The following MEIS1 variants were observed in gnomAD, a reference collection of about 807,000 sequenced individuals.
MEIS1 encodes the protein Meis homeobox 1.
A neutral mutation model predicts 50.8 loss-of-function variants in MEIS1; 5 were observed. That is an observed-to-expected ratio of 0.10 (90% CI 0.05 to 0.21). The LOEUF (loss-of-function observed/expected upper bound fraction) is 0.21, where lower values mean the gene tolerates loss of function less well. Among genes scored for constraint, MEIS1 ranks in the 10% least tolerant of loss-of-function variants. The pLI is 1.00. For synonymous variants in MEIS1, 176 were observed against 179.3 expected, an observed-to-expected ratio of 0.98 and a Z score of 0.15; for missense variants, 318 against 517.3, an observed-to-expected ratio of 0.61 and a Z score of 3.74.
Position 66,548,080 on chromosome 2 carries a change from C to T in MEIS1, c.965+61C>T, listed in dbSNP as rs1674833389. Reference sequence around the variant, plus strand: ...TTTCCCCCTCTGGCAACCTGCAGCTCATGTTTTGCATTAAGAAGACACACC... The same window carrying T: ...TTTCCCCCTCTGGCAACCTGCAGCTTATGTTTTGCATTAAGAAGACACACC... On this transcript the variant is annotated intron_variant, in intron 9 of 12. Coordinates refer to ENST00000272369, the MANE Select transcript of MEIS1 (RefSeq NM_002398.3). The T allele has an allele frequency of 8.5e-6, 13 of 1,528,844 alleles. No individual in the cohort carries two copies. The South Asian group carries it at 1.4e-4, about 16-fold the overall frequency. 94.7% of individuals were successfully genotyped at this position (1,528,844 alleles called of 1,614,324 possible). A position where few individuals can be genotyped will look rare whatever the true frequency, so the allele number is the denominator to read the frequency against.
At position 66,558,306 on chromosome 2, in the gene MEIS1, A is replaced by G. The variant is rs1368930567; in HGVS notation, c.966-9147A>G. Among the ~76,000 whole-genome samples, 13 of 134,804 alleles carry G rather than the reference A, an allele frequency of 9.6e-5. 1 individual carries two copies. The highest frequency in any genetic ancestry group is 8.2e-4 in the Admixed American group (11 of 13,350). The allele number at this position is 134,804 out of a possible 152,430, so 88.4% of individuals were successfully genotyped here. A position where few individuals can be genotyped will look rare whatever the true frequency, so the allele number is the denominator to read the frequency against. On this transcript the variant is annotated intron_variant, in intron 9 of 12. Coordinates refer to ENST00000272369, the MANE Select transcript of MEIS1 (RefSeq NM_002398.3). ...AAAAAAAAAAAAAAAAAAAAAAAAGAAAAAAAGAAAAGAAAAAGAAAAAGG... is the reference window on the plus strand; with the variant it reads ...AAAAAAAAAAAAAAAAAAAAAAAAGGAAAAAAGAAAAGAAAAAGAAAAAGG...
At chr2:66,524,628 G>GA (rs1395801453) in intron 8 of MEIS1, among the ~76,000 whole-genome samples, 1 of 151,976 alleles carries the variant, frequency 6.6e-6, no homozygotes, top group Non-Finnish European at 1.5e-5. Flanking sequence ...CATATCATTG[G>GA]AAACATTGCT....
chr2:66,458,204 T>C (rs990871603), intron 6 of MEIS1, among the ~76,000 whole-genome samples: 2 of 152,202 alleles, frequency 1.3e-5, no homozygotes, highest in Admixed American at 6.5e-5. Context: ...ATCATACTGA[T>C]GTGGTGAATG....
intron 7 of MEIS1, among the ~76,000 whole-genome samples, chr2:66,490,474 C>T (rs1558537202): frequency 6.6e-6 from 1 of 151,974 alleles, no homozygotes; most frequent in East Asian, 1.9e-4. Context: ...TGCAAGCTTA[C>T]TTTTTAAAAA....
chr2:66,555,581 A>T (rs1206738184), intron 9 of MEIS1, among the ~76,000 whole-genome samples: 1 of 152,196 alleles, frequency 6.6e-6, no homozygotes, highest in Non-Finnish European at 1.5e-5. Flanking sequence ...TATTCTTGTC[A>T]AATATGTCTT....
chr2:66,483,007 G>T (rs1180897210), intron 7 of MEIS1, among the ~76,000 whole-genome samples: 1 of 152,150 alleles, frequency 6.6e-6, no homozygotes, highest in Admixed American at 6.5e-5. Flanking sequence ...CCATAAAATG[G>T]AAGTAGTATT....
chr2:66,542,011 T>G (rs973608208), intron 8 of MEIS1, among the ~76,000 whole-genome samples: 2 of 152,158 alleles, frequency 1.3e-5, no homozygotes, highest in Non-Finnish European at 2.9e-5. Context: ...CCTAGATCAA[T>G]GTAATTGTCA....
At chr2:66,558,279 CAAAAAAAAAA>C (rs59017279) in intron 9 of MEIS1, among the ~76,000 whole-genome samples, 4 of 57,102 alleles carry the variant, frequency 7.0e-5, no homozygotes, top group Non-Finnish European at 1.2e-4. Context: ...AACTCCATCT[CAAAAAAAAAA>C]AAAAAAAAAA....
At chr2:66,466,728 T>C (rs1233779521) in intron 7 of MEIS1, among the ~76,000 whole-genome samples, 4 of 152,164 alleles carry the variant, frequency 2.6e-5, no homozygotes. Flanking sequence ...ATAACAGCCC[T>C]CTTCAAAAGA....
rs578016703 is a variant in MEIS1, at chr2:66,441,510, AAC to A, written c.483+52_483+53del. On this transcript the variant is annotated intron_variant, in intron 5 of 12. Transcript: ENST00000272369. ...TCCTTTTACTTACCCCTTACCCCCA[AAC>A]ACACAGGGGGGAGGGTTCCGAATGG... is the stretch of plus-strand genomic sequence containing the variant. 6.1e-3 allele frequency: 8,784 copies of A among 1,436,676 alleles called. 35 individuals are homozygous for A. The highest frequency in any genetic ancestry group is 7.3e-3 in the Non-Finnish European group (7,746 of 1,066,918). 89.0% of individuals were successfully genotyped at this position (1,436,676 alleles called of 1,614,324 possible).
At chr2:66,507,436 C>G (rs774891492) in intron 7 of MEIS1, among the ~76,000 whole-genome samples, 1 of 152,206 alleles carries the variant, frequency 6.6e-6, no homozygotes, top group African/African-American at 2.4e-5. Flanking sequence ...CAACCTTACA[C>G]GTTCATTTGC....
rs192894801 is a variant in MEIS1 at position 66,539,549 on chromosome 2, T to C, written c.889-8394T>C. 2.6e-5 allele frequency among the ~76,000 whole-genome samples: 4 copies of C among 152,286 alleles called. No homozygotes were observed. In the East Asian group the frequency reaches 7.7e-4, roughly 29 times the overall value. On this transcript the variant is annotated intron_variant, in intron 8 of 12. Coordinates refer to ENST00000272369, the MANE Select transcript of MEIS1 (RefSeq NM_002398.3). ...CTACTACTTACCAGCTGTGTGAACTTGAGAACTTCCTTTGTCCTTTCTGTG... is the reference window on the plus strand; with the variant it reads ...CTACTACTTACCAGCTGTGTGAACTCGAGAACTTCCTTTGTCCTTTCTGTG...
At chr2:66,476,968 G>A (rs1672908271) in intron 7 of MEIS1, among the ~76,000 whole-genome samples, 1 of 152,140 alleles carries the variant, frequency 6.6e-6, no homozygotes, top group African/African-American at 2.4e-5. Flanking sequence ...GACTTTGTGT[G>A]TGCTTCAGCA....
At chr2:66,453,844 T>C (rs73937913) in intron 6 of MEIS1, among the ~76,000 whole-genome samples, 2,625 of 152,076 alleles carry the variant, frequency 0.017, 72 homozygotes, top group African/African-American at 0.06. Context: ...TTTCTTCTTA[T>C]GTCTCAATTG....
chr2:66,514,202 A>G (rs1266408421), intron 8 of MEIS1, among the ~76,000 whole-genome samples: 3 of 152,202 alleles, frequency 2.0e-5, no homozygotes, highest in Non-Finnish European at 4.4e-5. Flanking sequence ...CCTGAATAAA[A>G]TATAATCAAA....
chr2:66,565,973 T>C (rs1675336540), intron 9 of MEIS1, among the ~76,000 whole-genome samples: 1 of 152,222 alleles, frequency 6.6e-6, no homozygotes, highest in South Asian at 2.1e-4. Context: ...GTGCTTATAA[T>C]GAGAATGGAG....
intron 9 of MEIS1, among the ~76,000 whole-genome samples, chr2:66,560,059 G>C (rs1675173683): frequency 6.9e-6 from 1 of 145,624 alleles, no homozygotes; most frequent in South Asian, 2.2e-4. Flanking sequence ...GCCTCCAAAA[G>C]TGCTGGTATT....
At chr2:66,513,990 G>T (rs2103857250) in intron 8 of MEIS1, among the ~76,000 whole-genome samples, 1 of 152,342 alleles carries the variant, frequency 6.6e-6, no homozygotes, top group South Asian at 2.1e-4. Context: ...CTGATGCAAT[G>T]ATGCTAATAT....
At chr2:66,441,640 A>G (rs1245473355) in intron 5 of MEIS1, 176 bp downstream of exon 5, 1 of 567,806 alleles carries the variant, frequency 1.8e-6, no homozygotes, top group Non-Finnish European at 3.0e-6. Context: ...TTTAATTACA[A>G]TTTCAGCCAC....
Sources: gnomAD v4.1 joint callset for allele counts (sites outside exome capture counted in the v4.1 genomes callset) on GRCh38, gnomAD v4.1.1 for gene constraint, MANE v1.5 for transcripts, NCBI Gene and HGNC (gene_info 2026-07-23, HGNC 2026-07-21) for gene names.